NAV1: variants seen among roughly 807,000 people sequenced by gnomAD.
NAV1 encodes pore membrane and/or filament interacting like protein 3.
NAV1 carries 18 observed loss-of-function variants against 175.2 expected under a neutral mutation model. The ratio of observed to expected loss-of-function variants is 0.10; its 90% CI spans 0.07 to 0.15. The LOEUF is 0.15. Ranked by LOEUF, NAV1 falls within the 10% of genes least tolerant of loss-of-function variation. The probability of loss-of-function intolerance (pLI) is 1.00; values close to 1 mark genes in which losing one functional copy is unlikely to be tolerated. For missense variants in NAV1, 1,731 were observed against 2,436.6 expected (o/e 0.71, Z 6.10); for synonymous variants, 897 against 978.7 (o/e 0.92, Z 1.56).
chr1:201,780,658 T>C, intron 4 of NAV1, 99 bp downstream of exon 8: 1 of 1,492,792 alleles, frequency 6.7e-7, no homozygotes, highest in Non-Finnish European at 9.2e-7. Flanking sequence ...ACCCACTCCA[T>C]GGGATTGGTT....
chr1:201,752,607 T>C (rs1478258713), intron 3 of NAV1, among the ~76,000 whole-genome samples: 1 of 151,724 alleles, frequency 6.6e-6, no homozygotes, highest in Non-Finnish European at 1.5e-5. Context: ...ATTACAGCTT[T>C]GCCTTTTTTT....
Position 201,802,778 on chromosome 1 carries a change from C to CAA in NAV1, c.3518-805_3518-804dup, listed in dbSNP as rs35700238. On this transcript the variant is annotated intron_variant, in intron 15 of 29. Coordinates refer to ENST00000367296, the Ensembl canonical transcript of NAV1. ...TGGGTGACAGAGCAAGACTCCATCT[C>CAA]AAAAAAAAAAAGAAAGAAAAAGGAA... 2.9e-5 allele frequency among the ~76,000 whole-genome samples: 4 copies of CAA among 139,820 alleles called. No homozygotes were observed. In the East Asian group the frequency reaches 8.2e-4, roughly 29 times the overall value. The allele number at this position is 139,820 out of a possible 152,430, so 91.7% of individuals were successfully genotyped here.
In NAV1 at chr1:201,672,977, A is replaced by G. The variant is rs141226830; in HGVS notation, c.757+23552A>G. On this transcript the variant is annotated intron_variant, in intron 1 of 29. Coordinates refer to ENST00000367296, the Ensembl canonical transcript of NAV1. Reference sequence around the variant, plus strand: ...TAGGCCCACATGTAGAACTCTGCCCACTGGCCAATCAGCAAGCAGTACCGA... The same window carrying G: ...TAGGCCCACATGTAGAACTCTGCCCGCTGGCCAATCAGCAAGCAGTACCGA... 123 of 152,326 alleles carry G rather than the reference A, an allele frequency of 8.1e-4. 1 individual carries two copies. The highest frequency in any genetic ancestry group is 2.9e-3 in the African/African-American group (119 of 41,580). 9.4% of individuals were successfully genotyped at this position (152,326 alleles called of 1,614,324 possible). A position where few individuals can be genotyped will look rare whatever the true frequency, so the allele number is the denominator to read the frequency against.
intron 15 of NAV1, 69 bp from the exon 20 acceptor site, chr1:201,803,524 A>G: frequency 6.5e-7 from 1 of 1,537,812 alleles, no homozygotes; most frequent in Non-Finnish European, 8.8e-7. Context: ...TTCTGCCACT[A>G]GACTTGCCTG....
chr1:201,791,797 A>G (rs763830325), intron 13 of NAV1: 2 of 152,154 alleles, frequency 1.3e-5, no homozygotes, highest in African/African-American at 2.4e-5. Flanking sequence ...CTCAATTCAT[A>G]AGTTGTACCA....
chr1:201,639,244 G>T (rs1309296413), intron 2 of NAV1, among the ~76,000 whole-genome samples: 3 of 152,242 alleles, frequency 2.0e-5, no homozygotes, highest in African/African-American at 4.8e-5. Flanking sequence ...TGAGTACTGC[G>T]TGTTGGCCAG....
chr1:201,802,968 C>T (rs776181740), intron 15 of NAV1, among the ~76,000 whole-genome samples: 1 of 152,166 alleles, frequency 6.6e-6, no homozygotes, highest in Non-Finnish European at 1.5e-5. Context: ...ACCTTTTCTT[C>T]AACCCTAAAT....
chr1:201,764,481 A>G (rs1055434209), intron 3 of NAV1, among the ~76,000 whole-genome samples: 11 of 152,156 alleles, frequency 7.2e-5, no homozygotes, highest in African/African-American at 2.7e-4. Context: ...TTATAAGGAC[A>G]CGAGTCCTAT....
chr1:201,708,836 C>T (rs1424794046), intron 1 of NAV1, among the ~76,000 whole-genome samples: 9 of 152,206 alleles, frequency 5.9e-5, no homozygotes, highest in Admixed American at 5.9e-4. Flanking sequence ...GCCTCCAGGG[C>T]ATCTCAACTT....
intron 1 of NAV1, among the ~76,000 whole-genome samples, chr1:201,684,561 G>A (rs55795872): frequency 0.28 from 39,686 of 144,136 alleles, 6,538 homozygotes; most frequent in Admixed American, 0.43. Flanking sequence ...TGCAACCTCC[G>A]TCTCCCAGGT....
At chr1:201,709,469 G>A (rs562292617) in intron 1 of NAV1, among the ~76,000 whole-genome samples, 1 of 152,306 alleles carries the variant, frequency 6.6e-6, no homozygotes, top group African/African-American at 2.4e-5. Flanking sequence ...GCAGCCTCTG[G>A]AGCTCTGGAG....
intron 1 of NAV1, among the ~76,000 whole-genome samples, chr1:201,709,211 C>G (rs1410310013): frequency 1.3e-5 from 2 of 151,432 alleles, no homozygotes; most frequent in African/African-American, 4.9e-5. Context: ...TAGCGGAAGC[C>G]CTAGATACCT....
chr1:201,732,907 C>G (rs1453865696), intron 3 of NAV1, among the ~76,000 whole-genome samples: 1 of 151,844 alleles, frequency 6.6e-6, no homozygotes, highest in Non-Finnish European at 1.5e-5. Flanking sequence ...CCTGTGTCTA[C>G]TAAAAATACA....
In NAV1 at chr1:201,668,748, C is replaced by T. The variant is rs12128303; in HGVS notation, c.757+19323C>T. ...CTAGTCTCGTGGGCTTTTAACGGTC[C>T]TGCCTGCCTGTTCCAGACCCCATTG... On this transcript the variant is annotated intron_variant, in intron 1 of 29. Transcript: ENST00000367296. Among the ~76,000 whole-genome samples the T allele has an allele frequency of 3.2e-3, 480 of 152,246 alleles. 3 individuals carry two copies. The highest frequency in any genetic ancestry group is 4.8e-3 in the Non-Finnish European group (326 of 68,014).
At chr1:201,612,563 G>A (rs1015198036) in intron 2 of NAV1, among the ~76,000 whole-genome samples, 2 of 152,202 alleles carry the variant, frequency 1.3e-5, no homozygotes, top group Non-Finnish European at 2.9e-5. Context: ...GTGAAGGCCT[G>A]TTCCCCATAG....
intron 10 of NAV1, among the ~76,000 whole-genome samples, chr1:201,789,483 G>A (rs573781015): frequency 5.6e-4 from 85 of 152,132 alleles, no homozygotes; most frequent in African/African-American, 1.9e-3. Flanking sequence ...CTGAAACCCC[G>A]TGCCCCTCAG....
At chr1:201,695,477 G>T (rs972054648) in intron 1 of NAV1, among the ~76,000 whole-genome samples, 3 of 152,236 alleles carry the variant, frequency 2.0e-5, no homozygotes, top group Non-Finnish European at 4.4e-5. Context: ...GGAAAAGGGG[G>T]TATGGGGAAG....
At chr1:201,685,596 G>A (rs1670654377) in intron 1 of NAV1, among the ~76,000 whole-genome samples, 1 of 152,188 alleles carries the variant, frequency 6.6e-6, no homozygotes, top group Non-Finnish European at 1.5e-5. Context: ...ACTGGGATCC[G>A]TTACCGCCTG....
intron 1 of NAV1, among the ~76,000 whole-genome samples, chr1:201,578,453 G>A (rs1238256518): frequency 6.6e-6 from 1 of 152,158 alleles, no homozygotes. Context: ...TCTGGGTAAT[G>A]ATGAAAGTTC....
Sources: allele counts gnomAD v4.1 joint callset (sites outside exome capture counted in the v4.1 genomes callset), GRCh38; gene constraint gnomAD v4.1.1; transcripts MANE v1.5; gene names NCBI Gene and HGNC (gene_info 2026-07-23, HGNC 2026-07-21).